Variants in IQANK1 observed in about 807,000 individuals in gnomAD.
IQANK1 encodes IQ motif and ankyrin repeat domain-containing protein 1.
Under a neutral mutation model 22.6 loss-of-function variants are expected in IQANK1, and 30 were observed. The ratio of observed to expected loss-of-function variants is 1.33; its 90% CI spans 0.99 to 1.80. IQANK1 has a LOEUF of 1.80. Among genes scored for constraint, IQANK1 ranks in the 40% most tolerant of loss-of-function variants. The probability of loss-of-function intolerance (pLI) is 0.00; values close to 1 mark genes in which losing one functional copy is unlikely to be tolerated. For missense variants in IQANK1, 275 were observed against 235.2 expected, an observed-to-expected ratio of 1.17 and a Z score of -1.11; for synonymous variants, 122 against 99.6, an observed-to-expected ratio of 1.23 and a Z score of -1.34.
At position 143,790,082 on chromosome 8, in the gene IQANK1, G is replaced by A. The variant is rs1819997369; in HGVS notation, c.1289+18G>A. The stretch of plus-strand genomic sequence containing the variant: ...GATGGCCGGTCAGTTCTCCGGGCCA[G>A]ACGTGGGCGATTTGGGGTTTGGACA... On this transcript the variant is annotated intron_variant, in intron 12 of 13. Coordinates refer to ENST00000527139, the MANE Select transcript of IQANK1 (RefSeq NM_001381874.1). 1 of 1,232,140 alleles carries A rather than the reference G, an allele frequency of 8.1e-7. No homozygotes were observed. The highest frequency in any genetic ancestry group is 4.2e-5 in the Admixed American group (1 of 23,734). 76.3% of individuals were successfully genotyped at this position (1,232,140 alleles called of 1,614,324 possible). A position where few individuals can be genotyped will look rare whatever the true frequency, so the allele number is the denominator to read the frequency against.
intron 7 of IQANK1, among the ~76,000 whole-genome samples, chr8:143,773,721 C>T (rs1403079741): frequency 1.3e-5 from 2 of 152,216 alleles, no homozygotes; most frequent in South Asian, 2.1e-4. Flanking sequence ...GGAGCCTGTC[C>T]TGCCCCTCTC....
rs28457868 is a variant in IQANK1 at position 143,734,223 on chromosome 8, A to G, written c.-5+4A>G. ...TTGGGGGAGGCAGGTGCGACAGGTG[A>G]GGACGGTGGGGCGGCGTCGAGCCCC... On this transcript the variant is annotated splice_donor_region_variant and intron_variant, in intron 1 of 13. Coordinates refer to ENST00000527139, the MANE Select transcript of IQANK1 (RefSeq NM_001381874.1). 0.028 allele frequency: 4,244 copies of G among 152,158 alleles called. 201 individuals are homozygous for G. The highest frequency in any genetic ancestry group is 0.096 in the African/African-American group (3,987 of 41,480). The allele number at this position is 152,158 out of a possible 1,614,324, so 9.4% of individuals were successfully genotyped here. A position where few individuals can be genotyped will look rare whatever the true frequency, so the allele number is the denominator to read the frequency against.
Position 143,771,565 on chromosome 8 carries a change from C to A in IQANK1, c.253C>A (p.Arg85Ser). 1 of 398,254 alleles carries A rather than the reference C, an allele frequency of 2.5e-6. No individual in the cohort carries two copies. Among genetic ancestry groups the A allele is most frequent in the Non-Finnish European group, 4.4e-6 (1 of 225,850 alleles). 24.7% of individuals were successfully genotyped at this position (398,254 alleles called of 1,614,324 possible). The change falls in exon 4 of 14, where the codon CGC becomes AGC. Residue 85 changes from arginine (R) to serine (S), a missense_variant. Transcript: ENST00000527139. The surrounding 1 kb of genome is among the most constrained non-coding windows in gnomAD (Gnocchi z 6.0). ...QLRARRELAR[R>S]REERREYLEQ... ...CCGGGCCAGGAGGGAGCTCGCCCGC[C>A]GCCGGGAGGAGCGCCGGGAGTACCT...
rs77043784 is a variant in IQANK1 at position 143,775,252 on chromosome 8, A to G, written c.789+2770A>G. ...CATTGGGGGAGCTTGTTAAGGGTATATGGGAACTCTACTATTTTTGTAACT... is the reference window on the plus strand; with the variant it reads ...CATTGGGGGAGCTTGTTAAGGGTATGTGGGAACTCTACTATTTTTGTAACT... On this transcript the variant is annotated intron_variant, in intron 7 of 13. Coordinates refer to ENST00000527139, the MANE Select transcript of IQANK1 (RefSeq NM_001381874.1). Among the ~76,000 whole-genome samples, 233 of 152,188 alleles carry G rather than the reference A, an allele frequency of 1.5e-3. 1 individual carries two copies. Among genetic ancestry groups the G allele is most frequent in the African/African-American group, 4.5e-3 (188 of 41,512 alleles).
At chr8:143,736,342 G>A (rs189112298) in intron 2 of IQANK1, among the ~76,000 whole-genome samples, 3 of 152,054 alleles carry the variant, frequency 2.0e-5, no homozygotes, top group Non-Finnish European at 2.9e-5. Flanking sequence ...ACGGGGTTTC[G>A]CCACATTGAC....
rs1818721169 is a variant in IQANK1 at position 143,735,779 on chromosome 8, C to A, written c.-4-71C>A. 1.4e-6 allele frequency: 1 copy of A among 695,130 alleles called. No individual in the cohort carries two copies. The highest frequency in any genetic ancestry group is 2.6e-6 in the Non-Finnish European group (1 of 380,796). 43.1% of individuals were successfully genotyped at this position (695,130 alleles called of 1,614,324 possible). On this transcript the variant is annotated intron_variant, in intron 1 of 13. Transcript: ENST00000527139. This position sits in a 1 kb window ranked among gnomAD's most constrained non-coding sequence, Gnocchi z 5.2. ...AGGCGCCCATGGTGTGCCCTGTTCC[C>A]CACTGCCACTGCCCCTGCCCTCTGC...
intron 3 of IQANK1, among the ~76,000 whole-genome samples, chr8:143,757,474 C>T (rs1819315136): frequency 6.6e-6 from 1 of 151,878 alleles, no homozygotes; most frequent in Non-Finnish European, 1.5e-5. Context: ...GTAGCTGAGA[C>T]TATAGGCGCC....
At chr8:143,784,648 A>G (rs573178969) in intron 7 of IQANK1, among the ~76,000 whole-genome samples, 1 of 152,334 alleles carries the variant, frequency 6.6e-6, no homozygotes, top group African/African-American at 2.4e-5. Flanking sequence ...GGCTTCTGCT[A>G]ACTGTAGTCT....
chr8:143,765,421 G>A (rs1462734409), intron 3 of IQANK1, among the ~76,000 whole-genome samples: 1 of 152,056 alleles, frequency 6.6e-6, no homozygotes, highest in Non-Finnish European at 1.5e-5. Context: ...ATCTGAGAAT[G>A]TCTATCTTTA....
intron 3 of IQANK1, among the ~76,000 whole-genome samples, chr8:143,756,922 G>A (rs1292239662): frequency 6.6e-6 from 1 of 151,746 alleles, no homozygotes; most frequent in African/African-American, 2.4e-5. Context: ...AAGCTGCAGT[G>A]AGCTGTGATC....
chr8:143,765,905 A>G (rs2129890161), intron 3 of IQANK1, among the ~76,000 whole-genome samples: 1 of 152,336 alleles, frequency 6.6e-6, no homozygotes, highest in South Asian at 2.1e-4. Flanking sequence ...TAACACTAGC[A>G]TGGATTTTCT....
chr8:143,773,968 G>A (rs1048135928), intron 7 of IQANK1, among the ~76,000 whole-genome samples: 1 of 152,282 alleles, frequency 6.6e-6, no homozygotes, highest in South Asian at 2.1e-4. Flanking sequence ...GGGACTGTGT[G>A]TTCACTCCAT....
At chr8:143,765,198 A>G (rs1449115260) in intron 3 of IQANK1, among the ~76,000 whole-genome samples, 1 of 152,092 alleles carries the variant, frequency 6.6e-6, no homozygotes, top group Non-Finnish European at 1.5e-5. Context: ...TCTACCAAAA[A>G]ATACAGAAGT....
rs922712164 is a variant in IQANK1, at chr8:143,772,365, C to A, written c.672C>A (p.Phe224Leu). 2.1e-4 allele frequency: 82 copies of A among 399,146 alleles called. No individual in the cohort carries two copies. The highest frequency in any genetic ancestry group is 1.5e-3 in the African/African-American group (74 of 48,742). 24.7% of individuals were successfully genotyped at this position (399,146 alleles called of 1,614,324 possible). A position where few individuals can be genotyped will look rare whatever the true frequency, so the allele number is the denominator to read the frequency against. Residue 224 changes from phenylalanine (F) to leucine (L), a missense_variant, in exon 7 of 14, where the codon TTC becomes TTA. Transcript: ENST00000527139. ...LGASPNSKGA[F>L]GPTPLYRAAF... is the part of the protein sequence containing the mutation. ...GGGGGCCCGTCTTGCAGGGCGCTTT[C>A]GGTCCGACGCCGCTGTACCGTGCAG...
chr8:143,772,396 G>A lies in IQANK1; in HGVS notation c.703G>A (p.Gly235Arg). The A allele has an allele frequency of 5.0e-6, 2 of 399,410 alleles. No individual in the cohort carries two copies. Among genetic ancestry groups the A allele is most frequent in the Non-Finnish European group, 8.8e-6 (2 of 226,390 alleles). The allele number at this position is 399,410 out of a possible 1,614,324, so 24.7% of individuals were successfully genotyped here. Residue 235 changes from glycine to arginine, a missense_variant, in exon 7 of 14, where the codon GGG becomes AGG. Transcript: ENST00000527139. ...GACGCCGCTGTACCGTGCAGCCTTT[G>A]GGGGCCACCTGGCAGCTGTGGAGGT... is the stretch of plus-strand genomic sequence containing the variant. ...GPTPLYRAAF[G>R]GHLAAVEVLL...
At position 143,790,160 on chromosome 8, in the gene IQANK1, T is replaced by C. The variant is rs1820002191; in HGVS notation, c.1313T>C (p.Leu438Ser). 2 of 1,231,934 alleles carry C rather than the reference T, an allele frequency of 1.6e-6. No homozygotes were observed. Among genetic ancestry groups the C allele is most frequent in the East Asian group, 3.2e-5 (1 of 31,716 alleles). 76.3% of individuals were successfully genotyped at this position (1,231,934 alleles called of 1,614,324 possible). ...DGRWPLVIDP[L>S]GQAATFLRYQ... is the part of the protein sequence containing the mutation. ...AGGTGGCCTCTTGTTATTGACCCTT[T>C]GGGCCAGGCGGCCACCTTCCTGCGC... Residue 438 changes from leucine to serine, a missense_variant, in exon 13 of 14, where the codon TTG becomes TCG. Transcript: ENST00000527139.
chr8:143,734,410 G>A (rs1818664561), intron 1 of IQANK1, among the ~76,000 whole-genome samples, 191 bp downstream of exon 1: 1 of 131,078 alleles, frequency 7.6e-6, no homozygotes, highest in Non-Finnish European at 1.6e-5. Context: ...ACAAGTACCT[G>A]GGGTCCCCCA....
At chr8:143,788,688 G>A (rs1398539183) in intron 7 of IQANK1, among the ~76,000 whole-genome samples, 2 of 152,164 alleles carry the variant, frequency 1.3e-5, no homozygotes, top group Non-Finnish European at 2.9e-5. Flanking sequence ...CTTGGACTTG[G>A]TCAGGGAGCC....
chr8:143,751,637 T>A (rs1819190866), intron 3 of IQANK1, among the ~76,000 whole-genome samples: 1 of 44,906 alleles, frequency 2.2e-5, no homozygotes, highest in Admixed American at 3.2e-4. Flanking sequence ...TGTGTGTGTG[T>A]GTGTGTGTGT....
Sources: allele counts gnomAD v4.1 joint callset (sites outside exome capture counted in the v4.1 genomes callset), GRCh38; gene constraint gnomAD v4.1.1; non-coding constraint Gnocchi (gnomAD v3.1); transcripts MANE v1.5; gene names NCBI Gene and HGNC (gene_info 2026-07-23, HGNC 2026-07-21).